The following CSMD1 variants were observed in gnomAD, a reference collection of about 807,000 sequenced individuals.
CSMD1 encodes CUB and sushi domain-containing protein 1.
In CSMD1, 213 loss-of-function variants were observed where a neutral mutation model predicts 417.5. That is an observed-to-expected ratio of 0.51 (90% CI 0.46 to 0.57). The LOEUF is 0.57. CSMD1 is among the 20% of genes least tolerant of loss of function. CSMD1 has a pLI of 0.00. For synonymous variants in CSMD1, 2,862 were observed against 1,736.8 expected (o/e 1.65, Z -16.11); for missense variants, 6,923 against 4,529.7 (o/e 1.53, Z -15.17).
At chr8:3,744,784 C>G (rs558229273) in intron 6 of CSMD1, among the ~76,000 whole-genome samples, 1 of 150,456 alleles carries the variant, frequency 6.6e-6, no homozygotes, top group Non-Finnish European at 1.5e-5. Flanking sequence ...GTATATTTCT[C>G]TAGAATGAAT....
At chr8:4,651,836 T>C (rs1188587478) in intron 1 of CSMD1, among the ~76,000 whole-genome samples, 3 of 152,182 alleles carry the variant, frequency 2.0e-5, no homozygotes, top group Non-Finnish European at 4.4e-5. Context: ...AGAGAGCTCA[T>C]TGGAATTAAA....
At chr8:4,359,765 G>C (rs546468038) in intron 3 of CSMD1, among the ~76,000 whole-genome samples, 2 of 152,206 alleles carry the variant, frequency 1.3e-5, no homozygotes, top group South Asian at 2.1e-4. Flanking sequence ...AAGGGTCCAC[G>C]TCAAGGAGTT....
intron 1 of CSMD1, among the ~76,000 whole-genome samples, chr8:4,814,963 T>C (rs973637865): frequency 6.6e-6 from 1 of 152,206 alleles, no homozygotes; most frequent in East Asian, 1.9e-4. Flanking sequence ...TAGAGACTGA[T>C]GGATCCTCAT....
intron 1 of CSMD1, among the ~76,000 whole-genome samples, chr8:4,984,871 A>C (rs1342469850): frequency 6.6e-6 from 1 of 152,086 alleles, no homozygotes; most frequent in African/African-American, 2.4e-5. Context: ...GAGATCTAAG[A>C]TGCTAGTGAG....
intron 5 of CSMD1, among the ~76,000 whole-genome samples, chr8:3,836,121 C>G (rs1417970971): frequency 6.6e-6 from 1 of 152,062 alleles, no homozygotes; most frequent in African/African-American, 2.4e-5. Context: ...ACCTCCTATC[C>G]TTTGAAAGGT....
At chr8:3,497,243 G>A (rs879309554) in intron 10 of CSMD1, among the ~76,000 whole-genome samples, 2 of 152,098 alleles carry the variant, frequency 1.3e-5, no homozygotes, top group Admixed American at 6.5e-5. Context: ...AGAGTAGCAG[G>A]ATGTTCAAGT....
intron 3 of CSMD1, among the ~76,000 whole-genome samples, chr8:4,379,772 T>G (rs1162090142): frequency 6.6e-6 from 1 of 152,152 alleles, no homozygotes; most frequent in Non-Finnish European, 1.5e-5. Flanking sequence ...GGCCCACACT[T>G]TAGGTCCAAG....
Position 3,411,769 on chromosome 8 carries a change from C to CACGTGTATATACGTGTATATAT in CSMD1, c.1562-2165_1562-2164insATATATACACGTATATACACGT, listed in dbSNP as rs1563361194. 2.7e-5 allele frequency among the ~76,000 whole-genome samples: 3 copies of CACGTGTATATACGTGTATATAT among 111,066 alleles called. 1 individual carries two copies. The highest frequency in any genetic ancestry group is 5.5e-5 in the Non-Finnish European group (3 of 54,836). 72.9% of individuals were successfully genotyped at this position (111,066 alleles called of 152,430 possible). A position where few individuals can be genotyped will look rare whatever the true frequency, so the allele number is the denominator to read the frequency against. On this transcript the variant is annotated intron_variant, in intron 12 of 69. Transcript: ENST00000635120. Reference sequence around the variant, plus strand: ...ATACACGTGTATATACGTGTATATACGTGTGTATATACCTGTATATATACA... The same window carrying CACGTGTATATACGTGTATATAT: ...ATACACGTGTATATACGTGTATATACACGTGTATATACGTGTATATATGTGTGTATATACCTGTATATATACA...
chr8:3,162,371 T>C lies in CSMD1; in HGVS notation c.5726-94A>G, dbSNP rs763824185. 24 of 804,134 alleles carry C rather than the reference T, an allele frequency of 3.0e-5. No homozygotes were observed. The South Asian group carries it at 3.5e-4, about 12-fold the overall frequency. The allele number at this position is 804,134 out of a possible 1,614,324, so 49.8% of individuals were successfully genotyped here. A position where few individuals can be genotyped will look rare whatever the true frequency, so the allele number is the denominator to read the frequency against. The stretch of plus-strand genomic sequence containing the variant: ...AAGTTTATTTCTATTGCTCTCCTTC[T>C]GTAGAAATGAACAAAGACTTCAACT... On this transcript the variant is annotated intron_variant, in intron 37 of 69. Transcript: ENST00000635120.
In CSMD1 at chr8:3,783,546, G is replaced by A. The variant is rs144064533; in HGVS notation, c.819-29504C>T. ...GCTGAGGGTGCTGCCCCTAAGGTGG[G>A]CACAGGAGGAAGCACCACCTGGCAC... On this transcript the variant is annotated intron_variant, in intron 5 of 69. Coordinates refer to ENST00000635120, the MANE Select transcript of CSMD1 (RefSeq NM_033225.6). Among the ~76,000 whole-genome samples, 9 of 152,294 alleles carry A rather than the reference G, an allele frequency of 5.9e-5. No individual in the cohort carries two copies. The East Asian group carries it at 1.5e-3, about 26-fold the overall frequency.
intron 3 of CSMD1, among the ~76,000 whole-genome samples, chr8:4,329,575 A>G (rs1167523111): frequency 6.6e-6 from 1 of 152,158 alleles, no homozygotes; most frequent in Non-Finnish European, 1.5e-5. Flanking sequence ...GGTGTGAGCC[A>G]CCGCACGTTG....
chr8:4,449,231 C>T (rs1174532991), intron 2 of CSMD1, among the ~76,000 whole-genome samples: 1 of 152,156 alleles, frequency 6.6e-6, no homozygotes, highest in Non-Finnish European at 1.5e-5. Flanking sequence ...AATAATTACA[C>T]TGTCTATGCT....
intron 10 of CSMD1, among the ~76,000 whole-genome samples, chr8:3,527,423 AG>A (rs1384007912): frequency 6.6e-6 from 1 of 152,154 alleles, no homozygotes; most frequent in Non-Finnish European, 1.5e-5. Flanking sequence ...GATGGGAACT[AG>A]ATTAGAGGTT....
chr8:3,015,696 G>A (rs1808773207), intron 52 of CSMD1, among the ~76,000 whole-genome samples: 2 of 151,990 alleles, frequency 1.3e-5, no homozygotes, highest in South Asian at 4.1e-4. Context: ...TGGTCCAGAT[G>A]AGCCTGAAGG....
At chr8:4,359,089 A>G (rs1275895801) in intron 3 of CSMD1, among the ~76,000 whole-genome samples, 2 of 152,174 alleles carry the variant, frequency 1.3e-5, no homozygotes, top group Admixed American at 6.5e-5. Flanking sequence ...TACACATAGT[A>G]TATTAATAAA....
intron 1 of CSMD1, among the ~76,000 whole-genome samples, chr8:4,954,015 C>A (rs1380711831): frequency 6.6e-6 from 1 of 151,994 alleles, no homozygotes; most frequent in Non-Finnish European, 1.5e-5. Flanking sequence ...AAGACGTTAC[C>A]CTTCCCACCC....
At chr8:3,539,084 G>A (rs1043559328) in intron 10 of CSMD1, among the ~76,000 whole-genome samples, 8 of 152,186 alleles carry the variant, frequency 5.3e-5, no homozygotes, top group Admixed American at 1.3e-4. Context: ...GTCTCTTACA[G>A]TCTTGCCCCA....
chr8:3,308,663 GGGGCTATTTGTT>G (rs1805082388), intron 23 of CSMD1, among the ~76,000 whole-genome samples, 160 bp from the exon 24 acceptor site: 1 of 151,790 alleles, frequency 6.6e-6, no homozygotes, highest in South Asian at 2.1e-4. Flanking sequence ...GGTCTGTACT[GGGGCTATTTGTT>G]ACCCATTTGT....
chr8:4,603,070 C>A (rs890358100), intron 2 of CSMD1, among the ~76,000 whole-genome samples: 1 of 151,794 alleles, frequency 6.6e-6, no homozygotes, highest in Non-Finnish European at 1.5e-5. Context: ...AATTTGAATT[C>A]TAAATATCTA....
Sources: gnomAD v4.1 joint callset for allele counts (sites outside exome capture counted in the v4.1 genomes callset) on GRCh38, gnomAD v4.1.1 for gene constraint, MANE v1.5 for transcripts, NCBI Gene and HGNC (gene_info 2026-07-23, HGNC 2026-07-21) for gene names.